Variants in SORCS3 observed in about 807,000 individuals in gnomAD.
SORCS3 encodes sortilin related VPS10 domain containing receptor 3, also known as VPS10 domain-containing receptor SorCS3.
A neutral mutation model predicts 146.3 loss-of-function variants in SORCS3; 57 were observed. The observed-to-expected ratio is 0.39, with a 90% CI of 0.31 to 0.49. The LOEUF is 0.49. Among genes scored for constraint, SORCS3 ranks in the 20% least tolerant of loss-of-function variants. The pLI, the probability that SORCS3 is intolerant of heterozygous loss-of-function variation, is 0.92. For missense variants in SORCS3, 1,341 were observed against 1,575.5 expected, an observed-to-expected ratio of 0.85 and a Z score of 2.52; for synonymous variants, 653 against 618.5, an observed-to-expected ratio of 1.06 and a Z score of -0.83.
chr10:104,854,361 G>A (rs1421812296), intron 2 of SORCS3, among the ~76,000 whole-genome samples: 2 of 152,132 alleles, frequency 1.3e-5, no homozygotes, highest in African/African-American at 4.8e-5. Flanking sequence ...AATTGTCTGG[G>A]ATGAGTGTGC....
chr10:104,736,812 G>A (rs1044001975), intron 1 of SORCS3, among the ~76,000 whole-genome samples: 1 of 149,688 alleles, frequency 6.7e-6, no homozygotes, highest in East Asian at 2.0e-4. Context: ...TAAAGTTTTC[G>A]GGTACATGTG....
chr10:104,772,165 G>T (rs74155031), intron 1 of SORCS3, among the ~76,000 whole-genome samples: 12,094 of 151,522 alleles, frequency 0.08, 665 homozygotes, highest in African/African-American at 0.16. Context: ...AGAATCCTCT[G>T]TCATTGTTTC....
At chr10:105,019,269 T>G (rs1163018068) in intron 4 of SORCS3, among the ~76,000 whole-genome samples, 1 of 152,190 alleles carries the variant, frequency 6.6e-6, no homozygotes, top group Non-Finnish European at 1.5e-5. Context: ...GACCATTACT[T>G]AATGTCATTA....
intron 16 of SORCS3, among the ~76,000 whole-genome samples, chr10:105,207,263 A>G (rs1442194377): frequency 7.1e-6 from 1 of 141,360 alleles, no homozygotes; most frequent in African/African-American, 2.8e-5. Flanking sequence ...CTATTTTGGC[A>G]TGCAGAGGTT....
At chr10:104,790,879 CTCT>C (rs2017488696) in intron 1 of SORCS3, among the ~76,000 whole-genome samples, 2 of 152,228 alleles carry the variant, frequency 1.3e-5, no homozygotes, top group African/African-American at 2.4e-5. Flanking sequence ...GCTCAACCCT[CTCT>C]TCTTTGTTTT....
chr10:105,199,014 G>A (rs1424607038), intron 14 of SORCS3, among the ~76,000 whole-genome samples: 3 of 152,190 alleles, frequency 2.0e-5, no homozygotes, highest in African/African-American at 7.2e-5. Flanking sequence ...TAATCTTGTA[G>A]GTGTCACCAT....
At chr10:104,805,662 T>C (rs2017672308) in intron 1 of SORCS3, among the ~76,000 whole-genome samples, 1 of 152,038 alleles carries the variant, frequency 6.6e-6, no homozygotes, top group African/African-American at 2.4e-5. Context: ...GATGGTGGGA[T>C]CTAGGGACAT....
intron 5 of SORCS3, among the ~76,000 whole-genome samples, chr10:105,087,338 T>C (rs752387738): frequency 6.2e-4 from 94 of 152,338 alleles, no homozygotes; most frequent in Non-Finnish European, 8.1e-4. Flanking sequence ...AGCCTTGTAG[T>C]ATGGTTTGAA....
At chr10:104,731,193 C>G (rs2016702614) in intron 1 of SORCS3, among the ~76,000 whole-genome samples, 1 of 152,168 alleles carries the variant, frequency 6.6e-6, no homozygotes, top group South Asian at 2.1e-4. Context: ...CTTGTGAGGA[C>G]CCTGGAGGGA....
At chr10:104,679,984 G>C (rs1175407977) in intron 1 of SORCS3, among the ~76,000 whole-genome samples, 1 of 152,194 alleles carries the variant, frequency 6.6e-6, no homozygotes, top group Non-Finnish European at 1.5e-5. Context: ...CTGTGAGACT[G>C]CATGGGAGGC....
chr10:105,068,536 C>A (rs1403047316), intron 5 of SORCS3, among the ~76,000 whole-genome samples: 1 of 152,150 alleles, frequency 6.6e-6, no homozygotes, highest in Non-Finnish European at 1.5e-5. Flanking sequence ...TTTATGGCTT[C>A]TTCTTGTTTC....
intron 1 of SORCS3, among the ~76,000 whole-genome samples, chr10:104,791,274 C>A (rs1273244600): frequency 2.0e-5 from 3 of 152,170 alleles, no homozygotes; most frequent in Admixed American, 6.5e-5. Context: ...GCTGGAGGTG[C>A]TATGGATTCA....
chr10:104,891,067 A>T (rs935524490), intron 2 of SORCS3, among the ~76,000 whole-genome samples: 8 of 152,106 alleles, frequency 5.3e-5, no homozygotes, highest in Admixed American at 2.0e-4. Flanking sequence ...CTGGGACATG[A>T]TTATGTTGTT....
chr10:105,072,717 T>G (rs2055565417), intron 5 of SORCS3, among the ~76,000 whole-genome samples: 1 of 133,298 alleles, frequency 7.5e-6, no homozygotes, highest in Admixed American at 9.2e-5. Context: ...AATAGCCTTG[T>G]GTGTAAATAG....
intron 5 of SORCS3, among the ~76,000 whole-genome samples, chr10:105,067,711 G>A (rs1227206275): frequency 1.3e-5 from 2 of 152,026 alleles, no homozygotes; most frequent in East Asian, 3.9e-4. Flanking sequence ...CAACCATCAG[G>A]CACCTCCTAA....
At chr10:104,692,668 T>G (rs1386300633) in intron 1 of SORCS3, among the ~76,000 whole-genome samples, 1 of 152,218 alleles carries the variant, frequency 6.6e-6, no homozygotes. Flanking sequence ...CTACACATTT[T>G]CAAGTGTTAA....
Position 105,196,715 on chromosome 10 carries a change from A to G in SORCS3, c.2010-3284A>G, listed in dbSNP as rs542138584. The stretch of plus-strand genomic sequence containing the variant: ...CAACCTGCTGCTCTTCCCTCACTGC[A>G]CTTAGGAATCCTAAGTCATGTCCAG... On this transcript the variant is annotated intron_variant, in intron 14 of 26. Coordinates refer to ENST00000369701, the MANE Select transcript of SORCS3 (RefSeq NM_014978.3). Among the ~76,000 whole-genome samples, 29 of 152,282 alleles carry G rather than the reference A, an allele frequency of 1.9e-4. No homozygotes were observed. In the South Asian group the frequency reaches 3.5e-3, roughly 18 times the overall value.
intron 1 of SORCS3, among the ~76,000 whole-genome samples, chr10:104,779,685 T>A (rs2017350659): frequency 6.6e-6 from 1 of 152,078 alleles, no homozygotes; most frequent in Non-Finnish European, 1.5e-5. Context: ...CTGCACCTGG[T>A]CTCCTGCCCT....
chr10:105,057,031 G>A (rs1015882001), intron 5 of SORCS3, among the ~76,000 whole-genome samples: 2 of 152,142 alleles, frequency 1.3e-5, no homozygotes, highest in African/African-American at 4.8e-5. Flanking sequence ...CCACTGAATT[G>A]ATATACTCTC....
Sources: allele counts gnomAD v4.1 joint callset (sites outside exome capture counted in the v4.1 genomes callset), GRCh38; gene constraint gnomAD v4.1.1; transcripts MANE v1.5; gene names NCBI Gene and HGNC (gene_info 2026-07-23, HGNC 2026-07-21).